Variants in EGFR observed in about 807,000 individuals in gnomAD.
The protein encoded by EGFR is avian erythroblastic leukemia viral (v-erb-b) oncogene homolog.
A neutral mutation model predicts 143.0 loss-of-function variants in EGFR; 58 were observed. That is an observed-to-expected ratio of 0.41 (90% confidence interval 0.33 to 0.50). The LOEUF is 0.50. Ranked by LOEUF, EGFR falls within the 20% of genes least tolerant of loss-of-function variation. The probability of loss-of-function intolerance (pLI) is 0.39; values close to 1 mark genes in which losing one functional copy is unlikely to be tolerated. For missense variants in EGFR, 1,307 were observed against 1,579.0 expected (o/e 0.83, Z 2.92); for synonymous variants, 613 against 594.4 (o/e 1.03, Z -0.45).
Position 55,060,774 on chromosome 7 carries a change from G to C in EGFR, c.88+41409G>C, listed in dbSNP as rs147583919. 7.9e-3 allele frequency among the ~76,000 whole-genome samples: 1,203 copies of C among 152,288 alleles called. 12 individuals carry two copies. Among genetic ancestry groups the C allele is most frequent in the African/African-American group, 0.027 (1,129 of 41,538 alleles). On this transcript the variant is annotated intron_variant, in intron 1 of 27. Transcript: ENST00000275493. ...GTTCCCTGTGAAAGGGTATGAGTAG[G>C]TTTTGGGGCTCTGGATACCGTGTGG...
chr7:55,158,899 A>C (rs539425374), intron 11 of EGFR, among the ~76,000 whole-genome samples: 1 of 152,200 alleles, frequency 6.6e-6, no homozygotes, highest in Non-Finnish European at 1.5e-5. Context: ...GAAAGGAAAA[A>C]GATGGGGGAA....
chr7:55,084,809 A>G (rs1359690465), intron 1 of EGFR, among the ~76,000 whole-genome samples: 1 of 152,190 alleles, frequency 6.6e-6, no homozygotes, highest in Non-Finnish European at 1.5e-5. Context: ...GGAATTTGGC[A>G]TATTGGATTT....
At chr7:55,201,522 T>C (rs774318023) in intron 25 of EGFR, among the ~76,000 whole-genome samples, 167 bp downstream of exon 25, 16 of 152,232 alleles carry the variant, frequency 1.1e-4, no homozygotes, top group Admixed American at 2.0e-4. Flanking sequence ...AATTATTTTG[T>C]TGCATTGCAA....
chr7:55,110,395 C>T (rs563305775), intron 1 of EGFR, among the ~76,000 whole-genome samples: 1 of 152,314 alleles, frequency 6.6e-6, no homozygotes, highest in Non-Finnish European at 1.5e-5. Flanking sequence ...GTTGCTGCAG[C>T]CAAGCCTGCC....
At chr7:55,099,703 T>C (rs1267890368) in intron 1 of EGFR, among the ~76,000 whole-genome samples, 1 of 152,166 alleles carries the variant, frequency 6.6e-6, no homozygotes, top group Non-Finnish European at 1.5e-5. Context: ...GGCAGACTCC[T>C]GGGACGGTGT....
chr7:55,201,087 A>G (rs2128971267), intron 24 of EGFR, 101 bp from the exon 25 acceptor site: 4 of 1,491,176 alleles, frequency 2.7e-6, no homozygotes, highest in Non-Finnish European at 3.7e-6. Flanking sequence ...AAATTGGCAA[A>G]CACACAGGCA....
chr7:55,160,177 C>T lies in EGFR; in HGVS notation c.1337C>T (p.Thr446Ile), dbSNP rs1310061365. Residue 446 changes from threonine to isoleucine, a missense_variant, in exon 12 of 28, where the codon ACA becomes ATA. Around this residue, in one of 7 missense-constraint regions of EGFR, gnomAD observed 250 missense variants for 295.1 expected, o/e 0.85. Transcript: ENST00000275493. ...FSLAVVSLNI[T>I]SLGLRSLKEI... ...CTTGCAGTCGTCAGCCTGAACATAA[C>T]ATCCTTGGGATTACGCTCCCTCAAG... 2 of 1,614,190 alleles carry T rather than the reference C, an allele frequency of 1.2e-6. No individual in the cohort carries two copies. The highest frequency in any genetic ancestry group is 1.1e-5 in the South Asian group (1 of 91,086).
At chr7:55,196,090 T>C (rs1228383425) in intron 22 of EGFR, among the ~76,000 whole-genome samples, 2 of 151,930 alleles carry the variant, frequency 1.3e-5, no homozygotes, top group African/African-American at 2.4e-5. Flanking sequence ...TGCCACACTC[T>C]TTTCCACAAT....
At chr7:55,078,461 C>G (rs901475460) in intron 1 of EGFR, among the ~76,000 whole-genome samples, 1 of 152,240 alleles carries the variant, frequency 6.6e-6, no homozygotes, top group Non-Finnish European at 1.5e-5. Flanking sequence ...GCTGCACCAA[C>G]CCTGGGATGC....
intron 14 of EGFR, among the ~76,000 whole-genome samples, chr7:55,165,021 C>T (rs1785895824): frequency 6.6e-6 from 1 of 152,162 alleles, no homozygotes. Context: ...AAGCAGAATG[C>T]AATAATGTAG....
intron 1 of EGFR, among the ~76,000 whole-genome samples, chr7:55,098,290 G>A (rs1402838823): frequency 6.6e-6 from 1 of 152,200 alleles, no homozygotes; most frequent in Non-Finnish European, 1.5e-5. Context: ...CGGCAGCCAG[G>A]ACTGGCAGGG....
At chr7:55,035,510 T>TC (rs1787506555) in intron 1 of EGFR, among the ~76,000 whole-genome samples, 1 of 139,888 alleles carries the variant, frequency 7.1e-6, no homozygotes. Context: ...CCGTCTTCAC[T>TC]AAAAAAAAAA....
At chr7:55,147,839 T>G (rs1485665089) in intron 4 of EGFR, among the ~76,000 whole-genome samples, 1 of 152,252 alleles carries the variant, frequency 6.6e-6, no homozygotes, top group Non-Finnish European at 1.5e-5. Context: ...TCTCTATGAA[T>G]TTGACTGCTC....
chr7:55,031,518 G>GGA (rs10650953), intron 1 of EGFR, among the ~76,000 whole-genome samples: 90,015 of 151,692 alleles, frequency 0.59, 27,163 homozygotes, highest in East Asian at 0.79. Context: ...CTGGTGTCAG[G>GGA]GAGAGAGTTG....
intron 1 of EGFR, among the ~76,000 whole-genome samples, chr7:55,132,741 T>C (rs751464530): frequency 2.6e-5 from 4 of 152,244 alleles, no homozygotes; most frequent in Non-Finnish European, 5.9e-5. Context: ...GTTTCATGTG[T>C]AAAGTTGCCT....
At chr7:55,076,348 T>G (rs879354880) in intron 1 of EGFR, among the ~76,000 whole-genome samples, 2 of 152,212 alleles carry the variant, frequency 1.3e-5, no homozygotes, top group Non-Finnish European at 2.9e-5. Context: ...AATACAAGAC[T>G]GATGTCCTTG....
intron 12 of EGFR, among the ~76,000 whole-genome samples, chr7:55,160,714 T>C (rs1229421070): frequency 6.6e-6 from 1 of 152,238 alleles, no homozygotes; most frequent in Non-Finnish European, 1.5e-5. Flanking sequence ...ACATCAACAC[T>C]TCCTGTTCTG....
rs1179570604 is a variant in EGFR at position 55,163,841 on chromosome 7, C to G, written c.1722+18C>G. On this transcript the variant is annotated intron_variant, in intron 14 of 27. Coordinates refer to ENST00000275493, the MANE Select transcript of EGFR (RefSeq NM_005228.5). The stretch of plus-strand genomic sequence containing the variant: ...CAGGACGGGTAAGAGCCCCTTGCTG[C>G]TATCCACGTCCATTTCATGGGAAGG... The G allele has an allele frequency of 6.2e-7, 1 of 1,613,382 alleles. No homozygotes were observed. The highest frequency in any genetic ancestry group is 8.5e-7 in the Non-Finnish European group (1 of 1,179,388).
In EGFR at chr7:55,110,127, G is replaced by T. The variant is rs17289441; in HGVS notation, c.89-32159G>T. 6.8e-3 allele frequency among the ~76,000 whole-genome samples: 1,031 copies of T among 152,154 alleles called. 10 individuals are homozygous for T. Among genetic ancestry groups the T allele is most frequent in the African/African-American group, 0.024 (992 of 41,494 alleles). On this transcript the variant is annotated intron_variant, in intron 1 of 27. Transcript: ENST00000275493. ...AATTTCCAGAGACAACAAGTTTTGAGCTTTTTTTTAATTTAGAAAATTTAC... is the reference window on the plus strand; with the variant it reads ...AATTTCCAGAGACAACAAGTTTTGATCTTTTTTTTAATTTAGAAAATTTAC...
Sources: gnomAD v4.1 joint callset for allele counts (sites outside exome capture counted in the v4.1 genomes callset) on GRCh38, gnomAD v4.1.1 for gene constraint, gnomAD v4.1.1 regional missense constraint, MANE v1.5 for transcripts, NCBI Gene and HGNC (gene_info 2026-07-23, HGNC 2026-07-21) for gene names.